The following ARSG variants were observed in gnomAD, a reference collection of about 807,000 sequenced individuals.
ARSG encodes the protein ASG.
Under a neutral mutation model 50.5 loss-of-function variants are expected in ARSG, and 37 were observed. The observed-to-expected ratio is 0.73, with a 90% CI of 0.56 to 0.96. ARSG has a LOEUF of 0.96. ARSG is among the 50% of genes least tolerant of loss of function. The pLI is 0.00. For missense variants in ARSG, 629 were observed against 675.3 expected (o/e 0.93, Z 0.76); for synonymous variants, 225 against 254.6 (o/e 0.88, Z 1.11).
intron 2 of ARSG, among the ~76,000 whole-genome samples, chr17:68,323,194 T>C (rs890839278): frequency 4.6e-5 from 7 of 152,140 alleles, no homozygotes; most frequent in African/African-American, 1.2e-4. Context: ...AATTCTCTCA[T>C]TTGATCCTTG....
chr17:68,280,324 A>G (rs140199128), intron 1 of ARSG, among the ~76,000 whole-genome samples: 4 of 152,354 alleles, frequency 2.6e-5, no homozygotes, highest in Non-Finnish European at 5.9e-5. Context: ...AAAGATCATG[A>G]ATAGCCAAAG....
chr17:68,262,611 G>A (rs1260284175), intron 1 of ARSG, among the ~76,000 whole-genome samples: 1 of 152,176 alleles, frequency 6.6e-6, no homozygotes, highest in Non-Finnish European at 1.5e-5. Flanking sequence ...TACTGTGGCT[G>A]CTGTATGGAA....
At chr17:68,280,179 C>CAAA (rs58937538) in intron 1 of ARSG, among the ~76,000 whole-genome samples, 85 of 87,416 alleles carry the variant, frequency 9.7e-4, no homozygotes, top group Admixed American at 1.7e-3. Context: ...AACTCTGTCT[C>CAAA]AAAAAAAAAA....
intron 7 of ARSG, 49 bp from the exon 8 acceptor site, chr17:68,370,395 A>T (rs757414282): frequency 1.3e-6 from 2 of 1,585,534 alleles, no homozygotes; most frequent in South Asian, 1.1e-5. Context: ...AGGGTCAGCG[A>T]AAGTGTCCAA....
In ARSG at chr17:68,367,229, G is replaced by T. The variant is rs546958891; in HGVS notation, c.705-1319G>T. Among the ~76,000 whole-genome samples the T allele has an allele frequency of 2.0e-5, 3 of 152,308 alleles. No homozygotes were observed. In the South Asian group the frequency reaches 6.2e-4, roughly 32 times the overall value. On this transcript the variant is annotated intron_variant, in intron 6 of 11. Transcript: ENST00000621439. This position sits in a 1 kb window ranked among gnomAD's most constrained non-coding sequence, Gnocchi z 4.5. ...CCCTGTCTTGGGACTTGTGTCCAGG[G>T]TTTTATGCATAGCAAAGAGAACTGA... is the stretch of plus-strand genomic sequence containing the variant.
chr17:68,295,336 A>T (rs1294972822), intron 1 of ARSG, among the ~76,000 whole-genome samples: 1 of 152,188 alleles, frequency 6.6e-6, no homozygotes, highest in Non-Finnish European at 1.5e-5. Context: ...CATTTGGTGC[A>T]GTATCGATGT....
chr17:68,448,961 G>T, the ARSG span, among the ~76,000 whole-genome samples: 2 of 152,076 alleles, frequency 1.3e-5, no homozygotes, highest in Non-Finnish European at 2.9e-5. Context: ...TCTTTCTCCA[G>T]CTATTTTTCA....
intron 1 of ARSG, among the ~76,000 whole-genome samples, chr17:68,283,512 C>A (rs1309450825): frequency 7.3e-6 from 1 of 136,726 alleles, no homozygotes; most frequent in Non-Finnish European, 1.6e-5. Context: ...CAGAGTGAGA[C>A]TCCGTATCAG....
At chr17:68,298,345 G>A (rs2145400946) in intron 1 of ARSG, among the ~76,000 whole-genome samples, 1 of 152,164 alleles carries the variant, frequency 6.6e-6, no homozygotes, top group East Asian at 1.9e-4. Flanking sequence ...CCCCACATCT[G>A]TAATCCCAGC....
intron 2 of ARSG, among the ~76,000 whole-genome samples, chr17:68,325,662 A>C (rs2145921262): frequency 6.6e-6 from 1 of 152,194 alleles, no homozygotes; most frequent in South Asian, 2.1e-4. Flanking sequence ...TCTTGAACTA[A>C]GCCCCTGAGA....
chr17:68,272,517 A>G, intron 1 of ARSG: 1 of 1,142,074 alleles, frequency 8.8e-7, no homozygotes, highest in Admixed American at 2.2e-5. Flanking sequence ...AGAGACGTAA[A>G]TAACGTCTCA....
At chr17:68,345,788 C>A (rs920504107) in intron 3 of ARSG, among the ~76,000 whole-genome samples, 3 of 152,074 alleles carry the variant, frequency 2.0e-5, no homozygotes, top group Non-Finnish European at 2.9e-5. Context: ...TATGATTAAA[C>A]AATACTTTTC....
chr17:68,437,220 C>G, the ARSG span, among the ~76,000 whole-genome samples: 2 of 152,002 alleles, frequency 1.3e-5, no homozygotes, highest in Admixed American at 1.3e-4. Context: ...CCAGTAACTT[C>G]AAGTTGGAGA....
chr17:68,429,864 C>G, the ARSG span: 1 of 1,331,906 alleles, frequency 7.5e-7, no homozygotes, highest in Non-Finnish European at 1.1e-6. Context: ...TCCGGGATTA[C>G]AGATGTAAGC....
At chr17:68,286,273 G>A (rs2075840310) in intron 1 of ARSG, among the ~76,000 whole-genome samples, 1 of 152,204 alleles carries the variant, frequency 6.6e-6, no homozygotes, top group South Asian at 2.1e-4. Context: ...TTGCAAAAGG[G>A]ATGGGGCTAG....
At chr17:68,388,785 C>T (rs542839563) in intron 9 of ARSG, among the ~76,000 whole-genome samples, 32 of 152,016 alleles carry the variant, frequency 2.1e-4, no homozygotes, top group Middle Eastern at 3.4e-3. Context: ...ATTAGCCGGG[C>T]GTGGTGGCGC....
the ARSG span, among the ~76,000 whole-genome samples, chr17:68,451,841 T>G: frequency 2.7e-4 from 41 of 152,246 alleles, no homozygotes; most frequent in Non-Finnish European, 5.4e-4. Flanking sequence ...ATGACCCTCC[T>G]GAGCACAAAG....
chr17:68,334,922 T>C (rs1343772938), intron 2 of ARSG, among the ~76,000 whole-genome samples: 1 of 152,118 alleles, frequency 6.6e-6, no homozygotes, highest in Admixed American at 6.5e-5. Flanking sequence ...ACAGAACCCA[T>C]GCAGATTCAA....
chr17:68,261,347 CA>C (rs2075068533), intron 1 of ARSG, among the ~76,000 whole-genome samples: 1 of 152,138 alleles, frequency 6.6e-6, no homozygotes, highest in African/African-American at 2.4e-5. Flanking sequence ...GTGGATGAGA[CA>C]GAGAGTCAAG....
Sources: gnomAD v4.1 joint callset for allele counts (sites outside exome capture counted in the v4.1 genomes callset) on GRCh38, gnomAD v4.1.1 for gene constraint, Gnocchi (gnomAD v3.1) non-coding constraint, MANE v1.5 for transcripts, NCBI Gene and HGNC (gene_info 2026-07-23, HGNC 2026-07-21) for gene names.